Variants in DENND4A observed in about 807,000 individuals in gnomAD.
DENND4A encodes C-myc promoter-binding protein.
In DENND4A, 70 loss-of-function variants were observed where a neutral mutation model predicts 199.3. The observed-to-expected ratio is 0.35, with a 90% CI of 0.29 to 0.43. The LOEUF is 0.43. DENND4A is among the 20% of genes least tolerant of loss of function. The pLI is 1.00. For synonymous variants in DENND4A, 686 were observed against 766.9 expected (o/e 0.89, Z 1.74); for missense variants, 1,723 against 2,255.8 (o/e 0.76, Z 4.78).
At chr15:65,753,686 T>C (rs941265356) in intron 3 of DENND4A, among the ~76,000 whole-genome samples, 6 of 152,136 alleles carry the variant, frequency 3.9e-5, no homozygotes, top group African/African-American at 9.7e-5. Flanking sequence ...CTGCATTTGC[T>C]ATAAAGCTAT....
intron 1 of DENND4A, among the ~76,000 whole-genome samples, chr15:65,768,068 T>G (rs959899018): frequency 1.3e-5 from 2 of 152,130 alleles, no homozygotes; most frequent in African/African-American, 2.4e-5. Flanking sequence ...GTGTGGAGTG[T>G]AGTGGCACGA....
intron 12 of DENND4A, among the ~76,000 whole-genome samples, chr15:65,720,946 A>AC (rs2075604530): frequency 2.6e-5 from 1 of 39,174 alleles, no homozygotes; most frequent in African/African-American, 9.0e-5. Flanking sequence ...TGTTTCATTG[A>AC]TTATATATAT....
At chr15:65,727,178 C>T (rs186075242) in intron 11 of DENND4A, among the ~76,000 whole-genome samples, 30 of 151,410 alleles carry the variant, frequency 2.0e-4, no homozygotes, top group Non-Finnish European at 3.7e-4. Context: ...CATGACCGGG[C>T]GCGGTGGCTC....
rs751181491 is a variant in DENND4A at position 65,691,107 on chromosome 15, C to T, written c.3487G>A (p.Val1163Ile). Residue 1163 changes from valine to isoleucine, a missense_variant, in exon 23 of 33, where the codon GTT becomes ATT. Coordinates refer to ENST00000443035, the MANE Select transcript of DENND4A (RefSeq NM_001320835.1). ...NYLADKVDSP[V>I]IFDLEDLDSE... ...TCTAAGTCTTCTAAGTCAAAAATAA[C>T]AGGAGAATCCACTTTATCTGCCAAA... 6.2e-7 allele frequency: 1 copy of T among 1,613,220 alleles called. No homozygotes were observed. Among genetic ancestry groups the T allele is most frequent in the Non-Finnish European group, 8.5e-7 (1 of 1,179,632 alleles).
intron 23 of DENND4A, among the ~76,000 whole-genome samples, chr15:65,679,748 T>G (rs936405347): frequency 6.6e-6 from 1 of 152,000 alleles, no homozygotes; most frequent in African/African-American, 2.4e-5. Context: ...AGGCTAGTCT[T>G]GAACTCAGAC....
chr15:65,679,301 C>T (rs2076491899), intron 23 of DENND4A, among the ~76,000 whole-genome samples: 1 of 150,716 alleles, frequency 6.6e-6, no homozygotes, highest in African/African-American at 2.4e-5. Flanking sequence ...TGAGGTTTCA[C>T]CATATTAGCC....
intron 14 of DENND4A, among the ~76,000 whole-genome samples, chr15:65,711,831 T>C (rs1382145195): frequency 1.3e-5 from 2 of 152,186 alleles, no homozygotes; most frequent in Non-Finnish European, 2.9e-5. Context: ...TTCGTTGTTG[T>C]TGGTTTTTGT....
intron 12 of DENND4A, among the ~76,000 whole-genome samples, chr15:65,719,836 C>T (rs2075553951): frequency 6.6e-6 from 1 of 151,814 alleles, no homozygotes; most frequent in African/African-American, 2.4e-5. Flanking sequence ...TTGTGGCTGC[C>T]ATAAACCGTG....
intron 1 of DENND4A, among the ~76,000 whole-genome samples, chr15:65,762,962 A>G (rs1159542367): frequency 6.6e-6 from 1 of 152,244 alleles, no homozygotes; most frequent in Non-Finnish European, 1.5e-5. Flanking sequence ...ACAAGAGAAT[A>G]AGCAATGTCA....
intron 14 of DENND4A, among the ~76,000 whole-genome samples, chr15:65,711,106 G>A (rs2075236526): frequency 6.6e-6 from 1 of 152,106 alleles, no homozygotes; most frequent in Non-Finnish European, 1.5e-5. Flanking sequence ...TGCCAAATAA[G>A]GCAAACACAA....
intron 24 of DENND4A, among the ~76,000 whole-genome samples, chr15:65,673,859 T>A (rs1377530538): frequency 6.6e-6 from 1 of 152,220 alleles, no homozygotes; most frequent in Non-Finnish European, 1.5e-5. Context: ...GCCTTGAGTA[T>A]CATTTATTTG....
At chr15:65,729,814 T>C in intron 9 of DENND4A, 136 bp from the exon 10 acceptor site, 3 of 767,058 alleles carry the variant, frequency 3.9e-6, no homozygotes, top group South Asian at 2.3e-5. Context: ...TTGTATTATA[T>C]ATTCACCGTT....
At chr15:65,675,438 A>G (rs2076344608) in intron 24 of DENND4A, among the ~76,000 whole-genome samples, 2 of 152,120 alleles carry the variant, frequency 1.3e-5, no homozygotes, top group Admixed American at 1.3e-4. Flanking sequence ...ATTTGATGAT[A>G]TAGAATTTAA....
intron 29 of DENND4A, 112 bp from the exon 30 acceptor site, chr15:65,665,574 G>A: frequency 1.3e-6 from 1 of 753,986 alleles, no homozygotes; most frequent in Admixed American, 3.2e-5. Flanking sequence ...AGACAGAAAA[G>A]AGAACAGAAA....
chr15:65,745,105 T>C (rs761394198), intron 4 of DENND4A, among the ~76,000 whole-genome samples: 91 of 152,316 alleles, frequency 6.0e-4, no homozygotes, highest in Non-Finnish European at 1.0e-3. Context: ...GAAGATATCA[T>C]AAATAGCACT....
chr15:65,738,675 T>A (rs1465933070), intron 6 of DENND4A, 31 bp downstream of exon 6: 1 of 1,567,898 alleles, frequency 6.4e-7, no homozygotes, highest in Non-Finnish European at 8.6e-7. Context: ...TACAAGAAAT[T>A]TGTAGATACA....
intron 2 of DENND4A, among the ~76,000 whole-genome samples, chr15:65,760,739 A>C (rs921508796): frequency 2.0e-5 from 3 of 152,018 alleles, no homozygotes; most frequent in African/African-American, 7.2e-5. Context: ...AAATACAAAA[A>C]TTAGCCAGGC....
At chr15:65,762,022 T>A (rs1355530465) in intron 1 of DENND4A, among the ~76,000 whole-genome samples, 2 of 152,212 alleles carry the variant, frequency 1.3e-5, no homozygotes, top group East Asian at 3.9e-4. Flanking sequence ...GTTGTTGTTT[T>A]TGAGACAAGA....
chr15:65,783,451 A>G (rs1388651300), intron 1 of DENND4A, among the ~76,000 whole-genome samples: 1 of 152,230 alleles, frequency 6.6e-6, no homozygotes, highest in Non-Finnish European at 1.5e-5. Context: ...TAATAGTTAT[A>G]TATGTGTATA....
Sources: allele counts gnomAD v4.1 joint callset (sites outside exome capture counted in the v4.1 genomes callset), GRCh38; gene constraint gnomAD v4.1.1; transcripts MANE v1.5; gene names NCBI Gene and HGNC (gene_info 2026-07-23, HGNC 2026-07-21).